Variants in CUX1 observed in about 807,000 individuals in gnomAD.
The protein encoded by CUX1 is protein CASP.
CUX1 carries 31 observed loss-of-function variants against 158.8 expected under a neutral mutation model. That is an observed-to-expected ratio of 0.20 (90% CI 0.15 to 0.26). The LOEUF (loss-of-function observed/expected upper bound fraction) is 0.26. CUX1 is among the 10% of genes least tolerant of loss of function. CUX1 has a pLI of 1.00. For synonymous variants in CUX1, 879 were observed against 862.1 expected, an observed-to-expected ratio of 1.02 and a Z score of -0.34; for missense variants, 1,589 against 2,014.6, an observed-to-expected ratio of 0.79 and a Z score of 4.04.
chr7:101,841,136 G>T (rs141068048), intron 1 of CUX1, among the ~76,000 whole-genome samples: 1 of 151,912 alleles, frequency 6.6e-6, no homozygotes, highest in Admixed American at 6.6e-5. Context: ...TTTGTGATCC[G>T]CCCGCCTCGG....
intron 2 of CUX1, among the ~76,000 whole-genome samples, chr7:101,973,960 G>A (rs1360080935): frequency 6.6e-6 from 1 of 151,444 alleles, no homozygotes; most frequent in African/African-American, 2.4e-5. Context: ...AGTAGAGACG[G>A]GGTTTCACTA....
chr7:101,848,247 T>C (rs923237539), intron 1 of CUX1, among the ~76,000 whole-genome samples: 2 of 152,122 alleles, frequency 1.3e-5, no homozygotes, highest in Admixed American at 6.6e-5. Context: ...TGATTTTTTT[T>C]TCTCCCTTAT....
chr7:101,927,515 C>T lies in CUX1; in HGVS notation c.141+11290C>T, dbSNP rs111643073. Among the ~76,000 whole-genome samples the T allele has an allele frequency of 6.5e-3, 986 of 152,058 alleles. 10 individuals are homozygous for T. Among genetic ancestry groups the T allele is most frequent in the African/African-American group, 0.023 (950 of 41,472 alleles). ...TCTACAAAAAAATGAAGAAATTAGC[C>T]GGGCGTGGTGGTGCATACCTGTAAT... On this transcript the variant is annotated intron_variant, in intron 2 of 23. Coordinates refer to ENST00000292535, the MANE Select transcript of CUX1 (RefSeq NM_181552.4).
intron 14 of CUX1, among the ~76,000 whole-genome samples, chr7:102,263,622 G>T (rs1464125214): frequency 2.0e-4 from 31 of 151,428 alleles, no homozygotes; most frequent in Admixed American, 2.0e-3. Context: ...AGCCGAAAGG[G>T]GTTAAAGTTT....
In CUX1 at chr7:101,930,352, C is replaced by A. The variant is rs184351002; in HGVS notation, c.141+14127C>A. Among the ~76,000 whole-genome samples the A allele has an allele frequency of 1.5e-3, 225 of 152,298 alleles. 2 individuals are homozygous for A. Among genetic ancestry groups the A allele is most frequent in the Admixed American group, 3.1e-3 (47 of 15,298 alleles). On this transcript the variant is annotated intron_variant, in intron 2 of 23. Transcript: ENST00000292535. Reference sequence around the variant, plus strand: ...GGCCTGTGAAAGCCTTCTTAACTTACGGAATTGATTATAAGCCAAAGCGTG... The same window carrying A: ...GGCCTGTGAAAGCCTTCTTAACTTAAGGAATTGATTATAAGCCAAAGCGTG...
intron 3 of CUX1, among the ~76,000 whole-genome samples, chr7:102,066,014 C>T (rs1244197644): frequency 6.6e-6 from 1 of 152,186 alleles, no homozygotes; most frequent in Non-Finnish European, 1.5e-5. Flanking sequence ...TGGTCTGCAT[C>T]TCCTGACCTT....
At chr7:102,028,954 C>T (rs1186691084) in intron 3 of CUX1, among the ~76,000 whole-genome samples, 5 of 151,604 alleles carry the variant, frequency 3.3e-5, no homozygotes, top group Admixed American at 2.0e-4. Flanking sequence ...TTTCCAAAGC[C>T]CCTGAAAGAG....
intron 5 of CUX1, among the ~76,000 whole-genome samples, 182 bp from the exon 6 acceptor site, chr7:102,104,154 C>G (rs1371736769): frequency 6.6e-6 from 1 of 151,838 alleles, no homozygotes; most frequent in Non-Finnish European, 1.5e-5. Flanking sequence ...GTTTAAAGTT[C>G]AATTTAACAT....
intron 14 of CUX1, among the ~76,000 whole-genome samples, chr7:102,266,463 G>C (rs1332189366): frequency 4.6e-5 from 7 of 151,902 alleles, no homozygotes; most frequent in Non-Finnish European, 8.8e-5. Context: ...ACCTGTGAAG[G>C]TTGAAATGCC....
intron 20 of CUX1, among the ~76,000 whole-genome samples, chr7:102,221,930 C>A (rs409224): frequency 0.62 from 93,797 of 151,618 alleles, 29,426 homozygotes; most frequent in East Asian, 0.93. Context: ...TCTGATTTCT[C>A]CCTTATCCCC....
At chr7:102,214,621 T>G (rs1193421976) in intron 20 of CUX1, among the ~76,000 whole-genome samples, 4 of 152,248 alleles carry the variant, frequency 2.6e-5, no homozygotes, top group Non-Finnish European at 5.9e-5. Context: ...GTCCTCTGCC[T>G]GCTACAGGGC....
At chr7:102,035,128 C>G (rs1307791487) in intron 3 of CUX1, among the ~76,000 whole-genome samples, 2 of 149,486 alleles carry the variant, frequency 1.3e-5, no homozygotes, top group Non-Finnish European at 3.0e-5. Flanking sequence ...AGAATACCTA[C>G]TATTGCTACT....
chr7:102,008,280 A>G (rs1817614121), intron 2 of CUX1, among the ~76,000 whole-genome samples: 1 of 151,692 alleles, frequency 6.6e-6, no homozygotes, highest in African/African-American at 2.4e-5. Context: ...GTCTTACTCC[A>G]TCAGCTTCAC....
chr7:101,848,733 C>T (rs73712567), intron 1 of CUX1, among the ~76,000 whole-genome samples: 1,974 of 151,612 alleles, frequency 0.013, 48 homozygotes, highest in African/African-American at 0.045. Context: ...AAAGTGTGGC[C>T]GGGTGCGGTG....
chr7:102,202,902 A>T (rs1187002760), intron 18 of CUX1, among the ~76,000 whole-genome samples: 1 of 152,158 alleles, frequency 6.6e-6, no homozygotes, highest in Admixed American at 6.5e-5. Flanking sequence ...GGTCACTGAG[A>T]TTCAGGAGAA....
intron 4 of CUX1, among the ~76,000 whole-genome samples, chr7:102,080,159 C>G (rs990728349): frequency 6.6e-6 from 1 of 152,192 alleles, no homozygotes; most frequent in African/African-American, 2.4e-5. Context: ...CCTTCTCCAT[C>G]CATCCTCCCC....
At chr7:102,125,835 A>AT (rs869192298) in intron 8 of CUX1, 5 of 140,952 alleles carry the variant, frequency 3.5e-5, no homozygotes, top group African/African-American at 1.0e-4. Context: ...ATTTTATTTT[A>AT]TTTATTTTTT....
chr7:102,139,476 G>T (rs1189088002), intron 8 of CUX1, among the ~76,000 whole-genome samples: 8 of 152,134 alleles, frequency 5.3e-5, no homozygotes, highest in Non-Finnish European at 1.0e-4. Flanking sequence ...ATTACCACCT[G>T]AAACAGCTTT....
At chr7:101,819,299 G>T (rs1001532853) in intron 1 of CUX1, among the ~76,000 whole-genome samples, 2 of 152,166 alleles carry the variant, frequency 1.3e-5, no homozygotes, top group Admixed American at 1.3e-4. Flanking sequence ...TTGAAAGGAG[G>T]ACACTTTCTA....
Sources: allele counts gnomAD v4.1 joint callset (sites outside exome capture counted in the v4.1 genomes callset), GRCh38; gene constraint gnomAD v4.1.1; transcripts MANE v1.5; gene names NCBI Gene and HGNC (gene_info 2026-07-23, HGNC 2026-07-21).